ARHGEF4: variants seen among roughly 807,000 people sequenced by gnomAD.
ARHGEF4 encodes the protein APC-stimulated guanine nucleotide exchange factor 1.
Under a neutral mutation model 162.0 loss-of-function variants are expected in ARHGEF4, and 119 were observed. The ratio of observed to expected loss-of-function variants is 0.73; its 90% CI spans 0.63 to 0.86. The LOEUF is 0.86. Among genes scored for constraint, ARHGEF4 ranks in the 40% least tolerant of loss-of-function variants. ARHGEF4 has a pLI of 0.00. For missense variants in ARHGEF4, 2,488 were observed against 2,456.0 expected, an observed-to-expected ratio of 1.01 and a Z score of -0.28; for synonymous variants, 1,014 against 979.9, an observed-to-expected ratio of 1.03 and a Z score of -0.65.
intron 4 of ARHGEF4, among the ~76,000 whole-genome samples, chr2:131,019,887 G>T (rs981230752): frequency 5.9e-5 from 9 of 152,124 alleles, no homozygotes; most frequent in African/African-American, 2.2e-4. Flanking sequence ...GCCCGCCTCG[G>T]CCTCCCAAAG....
chr2:130,984,924 C>G (rs532971397), intron 4 of ARHGEF4, among the ~76,000 whole-genome samples: 1 of 152,168 alleles, frequency 6.6e-6, no homozygotes, highest in South Asian at 2.1e-4. Context: ...CTGTCTGGTA[C>G]CTACAAAAGA....
intron 1 of ARHGEF4, among the ~76,000 whole-genome samples, chr2:130,907,772 T>C (rs889618208): frequency 4.6e-5 from 7 of 151,748 alleles, no homozygotes; most frequent in East Asian, 4.0e-4. Context: ...GCTAATAACA[T>C]GGTGAAACCC....
chr2:130,839,053 C>G (rs1680418122), intron 1 of ARHGEF4, among the ~76,000 whole-genome samples: 1 of 152,166 alleles, frequency 6.6e-6, no homozygotes, highest in Non-Finnish European at 1.5e-5. Flanking sequence ...TCCCCATGCA[C>G]ACCACAGGAA....
chr2:130,947,394 A>G (rs1683690600), intron 4 of ARHGEF4, among the ~76,000 whole-genome samples: 1 of 152,098 alleles, frequency 6.6e-6, no homozygotes, highest in South Asian at 2.1e-4. Flanking sequence ...ACTCCGTCTC[A>G]AGAAAAAATA....
intron 1 of ARHGEF4, among the ~76,000 whole-genome samples, chr2:130,893,021 G>A (rs905131151): frequency 1.3e-5 from 2 of 152,222 alleles, no homozygotes; most frequent in South Asian, 4.1e-4. Flanking sequence ...TGCAGGTTGA[G>A]GCCAGACCGC....
intron 1 of ARHGEF4, among the ~76,000 whole-genome samples, chr2:130,838,908 C>T (rs1680407005): frequency 6.6e-6 from 1 of 152,190 alleles, no homozygotes; most frequent in Non-Finnish European, 1.5e-5. Context: ...CCTGCTGCTG[C>T]CTGGGAGGCT....
intron 4 of ARHGEF4, among the ~76,000 whole-genome samples, chr2:131,019,068 C>T (rs1375458714): frequency 1.3e-5 from 2 of 151,986 alleles, no homozygotes; most frequent in East Asian, 3.9e-4. Context: ...AGTCAGGACC[C>T]CTTGAGATTC....
chr2:130,910,682 C>T (rs934555090), intron 1 of ARHGEF4, among the ~76,000 whole-genome samples: 1 of 152,188 alleles, frequency 6.6e-6, no homozygotes, highest in African/African-American at 2.4e-5. Context: ...TTAGAGAATG[C>T]ACTATCCTTT....
chr2:130,847,655 A>G (rs1681084960), intron 1 of ARHGEF4, among the ~76,000 whole-genome samples: 2 of 152,166 alleles, frequency 1.3e-5, no homozygotes, highest in Non-Finnish European at 2.9e-5. Flanking sequence ...GACCCCCTGA[A>G]GCAGGGGCAC....
intron 2 of ARHGEF4, among the ~76,000 whole-genome samples, chr2:130,924,218 G>A (rs28460818): frequency 0.82 from 124,237 of 151,468 alleles, 52,570 homozygotes; most frequent in East Asian, 1. Flanking sequence ...CCTCACCTGT[G>A]GATTGCTGTA....
rs1344042879 is a variant in ARHGEF4, at chr2:130,836,920, C to T, written c.-34C>T. 4.9e-6 allele frequency: 6 copies of T among 1,221,384 alleles called. No individual in the cohort carries two copies. The East Asian group carries it at 9.7e-5, about 20-fold the overall frequency. 75.7% of individuals were successfully genotyped at this position (1,221,384 alleles called of 1,614,324 possible). On this transcript the variant is annotated 5_prime_UTR_variant, in exon 1 of 14. Coordinates refer to ENST00000409359, the MANE Select transcript of ARHGEF4 (RefSeq NM_001367493.1). ...CGGCTCGGCGGCGCGGCTCGTAGTG[C>T]TGCGGCCGGGCTCCGGGCGTCCCGG...
In ARHGEF4 at chr2:131,001,871, AATTTAAGCACAGAG is replaced by A. The variant is rs559236765; in HGVS notation, c.3986-26069_3986-26056del. Among the ~76,000 whole-genome samples, 639 of 152,320 alleles carry A rather than the reference AATTTAAGCACAGAG, an allele frequency of 4.2e-3. 3 individuals carry two copies. The highest frequency in any genetic ancestry group is 7.0e-3 in the Non-Finnish European group (478 of 68,038). ...AAAATGCATGAGAATAGTACAGAAC[AATTTAAGCACAGAG>A]ATTTGCCTCTGGAGAGGAAGCTAGG... is the stretch of plus-strand genomic sequence containing the variant. On this transcript the variant is annotated intron_variant, in intron 4 of 13. Transcript: ENST00000409359.
At chr2:130,876,795 AGGT>A (rs1678877803) in intron 1 of ARHGEF4, among the ~76,000 whole-genome samples, 2 of 152,214 alleles carry the variant, frequency 1.3e-5, no homozygotes, top group African/African-American at 4.8e-5. Context: ...CTAGAGGGGA[AGGT>A]GGGATGTGGA....
chr2:130,856,173 T>G (rs1681770410), intron 1 of ARHGEF4, among the ~76,000 whole-genome samples: 2 of 152,178 alleles, frequency 1.3e-5, no homozygotes, highest in African/African-American at 4.8e-5. Flanking sequence ...TACATAATAT[T>G]GTTAAAGATA....
intron 4 of ARHGEF4, among the ~76,000 whole-genome samples, chr2:130,966,506 C>T (rs1165124864): frequency 6.6e-6 from 1 of 152,212 alleles, no homozygotes; most frequent in African/African-American, 2.4e-5. Flanking sequence ...GCACAATATT[C>T]CCTGCTAATC....
At chr2:131,019,367 G>A (rs982602498) in intron 4 of ARHGEF4, among the ~76,000 whole-genome samples, 4 of 151,776 alleles carry the variant, frequency 2.6e-5, no homozygotes, top group Non-Finnish European at 4.4e-5. Flanking sequence ...AGCTGAGATC[G>A]TGCCATTGCA....
chr2:130,920,486 G>C (rs1405846333), intron 2 of ARHGEF4, among the ~76,000 whole-genome samples: 1 of 152,180 alleles, frequency 6.6e-6, no homozygotes, highest in Non-Finnish European at 1.5e-5. Flanking sequence ...TGCGCCATCA[G>C]ACCACAGACA....
rs1167325090 is a variant in ARHGEF4 at position 130,917,229 on chromosome 2, CT to C, written c.3284del (p.Leu1095ArgfsTer58). 1 of 1,550,584 alleles carries C rather than the reference CT, an allele frequency of 6.4e-7. No individual in the cohort carries two copies. The highest frequency in any genetic ancestry group is 8.7e-7 in the Non-Finnish European group (1 of 1,147,000). Reference sequence around the variant, plus strand: ...CTGCAGACCCACGAGCCCCAAGCCCCTGAGTCCCAGGCCTAGTGCTCAGCGG... The same window carrying C: ...CTGCAGACCCACGAGCCCCAAGCCCCGAGTCCCAGGCCTAGTGCTCAGCGG... The part of the protein sequence containing the change: ...TPCRPTSPKP[L>X]SPRPSAQRMG... On this transcript the variant is annotated frameshift_variant, in exon 2 of 14. Coordinates refer to ENST00000409359, the MANE Select transcript of ARHGEF4 (RefSeq NM_001367493.1). LOFTEE classifies it high-confidence loss of function.
chr2:131,041,523 T>G, intron 9 of ARHGEF4, 61 bp downstream of exon 9: 1 of 1,523,486 alleles, frequency 6.6e-7, no homozygotes, highest in South Asian at 1.2e-5. Flanking sequence ...GTCAGCCAGT[T>G]TGAGCATTAG....
Sources: allele counts gnomAD v4.1 joint callset (sites outside exome capture counted in the v4.1 genomes callset), GRCh38; gene constraint gnomAD v4.1.1; transcripts MANE v1.5; gene names NCBI Gene and HGNC (gene_info 2026-07-23, HGNC 2026-07-21).